Variants in EDRF1 observed in about 807,000 individuals in gnomAD.
The protein encoded by EDRF1 is erythroid differentiation-related factor 1.
EDRF1 carries 69 observed loss-of-function variants against 148.7 expected under a neutral mutation model. The observed-to-expected ratio is 0.46, with a 90% confidence interval of 0.38 to 0.57. The LOEUF is 0.57. EDRF1 is among the 20% of genes least tolerant of loss of function. EDRF1 has a pLI of 0.00. For synonymous variants in EDRF1, 515 were observed against 532.8 expected, an observed-to-expected ratio of 0.97 and a Z score of 0.46; for missense variants, 1,118 against 1,478.7, an observed-to-expected ratio of 0.76 and a Z score of 4.00.
At chr10:125,755,515 C>T (rs1341250023) in intron 24 of EDRF1, among the ~76,000 whole-genome samples, 2 of 152,174 alleles carry the variant, frequency 1.3e-5, no homozygotes, top group Admixed American at 6.5e-5. Flanking sequence ...CTCATAAAGT[C>T]TGTGGGTTCA....
rs760859400 is a variant in EDRF1, at chr10:125,719,922, C to T, written c.108+7C>T. 31 of 1,610,782 alleles carry T rather than the reference C, an allele frequency of 1.9e-5. No individual in the cohort carries two copies. The Admixed American group carries it at 5.2e-4, about 27-fold the overall frequency. On this transcript the variant is annotated splice_region_variant and intron_variant, in intron 1 of 24. Transcript: ENST00000356792. ...CGAGGAATCTTCTGCACAGGTGAGT[C>T]CTCCGCGGAGGGGGACCTGCCAGGG...
chr10:125,738,273 A>C (rs750556483), intron 14 of EDRF1, 22 bp from the exon 15 acceptor site: 1 of 1,614,000 alleles, frequency 6.2e-7, no homozygotes, highest in South Asian at 1.1e-5. Flanking sequence ...ATAGATAGTG[A>C]ATGCTTTTCC....
At chr10:125,742,894 A>G (rs1396246511) in intron 17 of EDRF1, 164 bp from the exon 18 acceptor site, 4 of 837,852 alleles carry the variant, frequency 4.8e-6, no homozygotes, top group African/African-American at 1.8e-5. Context: ...AAATAAATAG[A>G]TCTTTATTAT....
rs1487723728 is a variant in EDRF1 at position 125,725,306 on chromosome 10, C to CA, written c.511-11dup. The stretch of plus-strand genomic sequence containing the variant: ...TGTGTTGTATTAATAATATGTATCT[C>CA]ATGTTATCCAGACTGGTGACTGGAC... On this transcript the variant is annotated splice_polypyrimidine_tract_variant and intron_variant, in intron 4 of 24. Transcript: ENST00000356792. 1 of 1,613,824 alleles carries CA rather than the reference C, an allele frequency of 6.2e-7. No individual in the cohort carries two copies. The highest frequency in any genetic ancestry group is 8.5e-7 in the Non-Finnish European group (1 of 1,179,848).
intron 6 of EDRF1, among the ~76,000 whole-genome samples, chr10:125,726,537 A>G (rs1848263485): frequency 6.6e-6 from 1 of 152,222 alleles, no homozygotes; most frequent in African/African-American, 2.4e-5. Context: ...AGGAAAATAG[A>G]TTGATAAATA....
intron 23 of EDRF1, among the ~76,000 whole-genome samples, chr10:125,753,385 A>G (rs962451960): frequency 6.6e-6 from 1 of 152,074 alleles, no homozygotes; most frequent in African/African-American, 2.4e-5. Context: ...TGAAGCCCCC[A>G]TGTTGCGCCC....
chr10:125,756,636 T>C (rs947465086), intron 24 of EDRF1: 1 of 303,544 alleles, frequency 3.3e-6, no homozygotes, highest in Non-Finnish European at 6.3e-6. Flanking sequence ...CACGTAGGAT[T>C]GTGATATCTG....
chr10:125,759,184 C>T (rs1850068283), intron 24 of EDRF1, among the ~76,000 whole-genome samples: 1 of 152,082 alleles, frequency 6.6e-6, no homozygotes, highest in South Asian at 2.1e-4. Flanking sequence ...AGATGTGAAC[C>T]CCCTGACTCC....
In EDRF1 at chr10:125,763,475, G is replaced by C; in HGVS notation, c.*3G>C. 6.2e-7 allele frequency: 1 copy of C among 1,605,266 alleles called. No individual in the cohort carries two copies. Among genetic ancestry groups the C allele is most frequent in the African/African-American group, 1.3e-5 (1 of 75,064 alleles). ...CGAGCAGCAATGCCGTTCAGTGACT[G>C]CACAGAGCCGTGTCCCAGACACGCT... On this transcript the variant is annotated 3_prime_UTR_variant, in exon 25 of 25. Coordinates refer to ENST00000356792, the MANE Select transcript of EDRF1 (RefSeq NM_001202438.2). This position sits in a 1 kb window ranked among gnomAD's most constrained non-coding sequence, Gnocchi z 4.3.
At position 125,719,845 on chromosome 10, in the gene EDRF1, C is replaced by T; in HGVS notation, c.38C>T (p.Pro13Leu). 1 of 1,612,194 alleles carries T rather than the reference C, an allele frequency of 6.2e-7. No individual in the cohort carries two copies. The highest frequency in any genetic ancestry group is 8.5e-7 in the Non-Finnish European group (1 of 1,179,588). ...AAGGAGGCCGGAGCCGAGGGTCCGC[C>T]GGCCGGGGCCGCCGCTCGAGGAGGG... ...DAKEAGAEGP[P>L]AGAAARGGLS... The change falls in exon 1 of 25, where the codon CCG becomes CTG. Residue 13 changes from proline (P) to leucine (L), a missense_variant. Physicochemically the swap from Pro to Leu is moderately conservative, Grantham distance 98. This residue lies in a region of EDRF1 where 65 missense variants were observed against 50.3 expected (regional missense o/e 1.29). Coordinates refer to ENST00000356792, the MANE Select transcript of EDRF1 (RefSeq NM_001202438.2).
chr10:125,724,873 A>G (rs1848177787), intron 4 of EDRF1, among the ~76,000 whole-genome samples: 1 of 152,206 alleles, frequency 6.6e-6, no homozygotes, highest in Admixed American at 6.5e-5. Context: ...TGGTGAGGTA[A>G]ATGACATTTA....
At chr10:125,757,821 G>A (rs565192927) in intron 24 of EDRF1, among the ~76,000 whole-genome samples, 28 of 152,300 alleles carry the variant, frequency 1.8e-4, no homozygotes, top group African/African-American at 6.5e-4. Context: ...TCATCTGTTA[G>A]AAATGCATCT....
At chr10:125,750,632 A>G (rs898336022) in intron 22 of EDRF1, 1 of 152,266 alleles carries the variant, frequency 6.6e-6, no homozygotes, top group African/African-American at 2.4e-5. Context: ...GAAACTGGTA[A>G]CATTGTTCCC....
rs962911252 is a variant in EDRF1 at position 125,763,877 on chromosome 10, A to C, written c.*405A>C. Reference sequence around the variant, plus strand: ...ATGACATTACAGGTTCAAGTGGGTTAAGGAGACCTCCTGTACATCTACAGT... The same window carrying C: ...ATGACATTACAGGTTCAAGTGGGTTCAGGAGACCTCCTGTACATCTACAGT... On this transcript the variant is annotated 3_prime_UTR_variant, in exon 25 of 25. Transcript: ENST00000356792. This position sits in a 1 kb window ranked among gnomAD's most constrained non-coding sequence, Gnocchi z 4.3. The C allele has an allele frequency of 3.8e-6, 1 of 259,900 alleles. No homozygotes were observed. The highest frequency in any genetic ancestry group is 2.3e-5 in the African/African-American group (1 of 44,296). 16.1% of individuals were successfully genotyped at this position (259,900 alleles called of 1,614,324 possible).
At chr10:125,731,785 G>A in intron 9 of EDRF1, 1 of 403,214 alleles carries the variant, frequency 2.5e-6, no homozygotes, top group Non-Finnish European at 5.2e-6. Flanking sequence ...GGTAAGAATA[G>A]ATAGCATTTA....
At chr10:125,753,633 G>A in intron 23 of EDRF1, 61 bp from the exon 24 acceptor site, 2 of 1,572,882 alleles carry the variant, frequency 1.3e-6, no homozygotes, top group South Asian at 2.2e-5. Context: ...CCATCACTTG[G>A]TACGATATGA....
intron 15 of EDRF1, among the ~76,000 whole-genome samples, chr10:125,739,430 A>T (rs1214541587): frequency 6.6e-6 from 1 of 152,228 alleles, no homozygotes; most frequent in East Asian, 1.9e-4. Context: ...GTTCTCCATC[A>T]GAATTACTTG....
intron 9 of EDRF1, chr10:125,731,750 A>G: frequency 6.2e-6 from 2 of 322,904 alleles, no homozygotes; most frequent in Non-Finnish European, 1.4e-5. Context: ...TTTCCACTAG[A>G]GAGGAACTAT....
chr10:125,747,869 A>G lies in EDRF1; in HGVS notation c.2980A>G (p.Lys994Glu). 6.2e-7 allele frequency: 1 copy of G among 1,614,198 alleles called. No homozygotes were observed. Among genetic ancestry groups the G allele is most frequent in the Non-Finnish European group, 8.5e-7 (1 of 1,180,034 alleles). Residue 994 changes from lysine to glutamate, a missense_variant, in exon 21 of 25, where the codon AAA (lysine) becomes GAA (glutamate). By Grantham distance (56) the Lys-to-Glu change is moderately conservative (BLOSUM62 1). This residue lies in a region of EDRF1 where 954 missense variants were observed against 1,241.4 expected (regional missense o/e 0.77). Transcript: ENST00000356792. ...CCCCTCAAAACAAGAACAGATTGAG[A>G]AAGAAGTCAGTGAGGCCATGATGAA... ...LSRKAQEQIE[K>E]EVSEAMMKSL... is the part of the protein sequence containing the mutation.
Sources: allele counts gnomAD v4.1 joint callset (sites outside exome capture counted in the v4.1 genomes callset), GRCh38; gene constraint gnomAD v4.1.1; regional missense constraint gnomAD v4.1.1; non-coding constraint Gnocchi (gnomAD v3.1); transcripts MANE v1.5; gene names NCBI Gene and HGNC (gene_info 2026-07-23, HGNC 2026-07-21).